Variants in ERC1 observed in about 807,000 individuals in gnomAD.
ERC1 encodes ELKS/RAB6-interacting/CAST family member 1.
Under a neutral mutation model 132.0 loss-of-function variants are expected in ERC1, and 56 were observed. The ratio of observed to expected loss-of-function variants is 0.42; its 90% CI spans 0.34 to 0.53. ERC1 has a LOEUF of 0.53. Among genes scored for constraint, ERC1 ranks in the 20% least tolerant of loss-of-function variants. The probability of loss-of-function intolerance (pLI) is 0.03; values close to 1 mark genes in which losing one functional copy is unlikely to be tolerated. For missense variants in ERC1, 1,202 were observed against 1,349.9 expected (o/e 0.89, Z 1.72); for synonymous variants, 478 against 476.1 (o/e 1.00, Z -0.05).
intron 16 of ERC1, among the ~76,000 whole-genome samples, chr12:1,386,337 A>C (rs570417939): frequency 6.1e-4 from 93 of 151,594 alleles, no homozygotes; most frequent in African/African-American, 2.2e-3. Flanking sequence ...GTGCCCGGTC[A>C]CAAAAAAAAT....
chr12:1,061,872 T>A (rs1938001954), intron 2 of ERC1, among the ~76,000 whole-genome samples: 1 of 152,128 alleles, frequency 6.6e-6, no homozygotes, highest in Non-Finnish European at 1.5e-5. Flanking sequence ...GGTTGTTTAT[T>A]TAAAATCTGT....
intron 2 of ERC1, among the ~76,000 whole-genome samples, chr12:1,072,511 A>T (rs570686919): frequency 6.6e-6 from 1 of 152,208 alleles, no homozygotes; most frequent in Non-Finnish European, 1.5e-5. Flanking sequence ...TTACAAACAC[A>T]TGTGCAAAAG....
upstream of ERC1, chr12:990,614 G>A (rs916833345): frequency 1.3e-5 from 2 of 152,362 alleles, no homozygotes; most frequent in Admixed American, 6.5e-5. Flanking sequence ...CGTGTGCGCA[G>A]CCCCGCGAGT....
At chr12:1,062,057 C>T (rs1398409005) in intron 2 of ERC1, among the ~76,000 whole-genome samples, 1 of 131,500 alleles carries the variant, frequency 7.6e-6, no homozygotes, top group Non-Finnish European at 1.5e-5. Context: ...GTGGCATGAT[C>T]TCGGCTCACT....
chr12:1,157,476 A>T (rs1421479477), intron 8 of ERC1, among the ~76,000 whole-genome samples: 1 of 152,204 alleles, frequency 6.6e-6, no homozygotes, highest in Admixed American at 6.5e-5. Context: ...TTATGTTTTT[A>T]CATGTGGCTG....
chr12:1,352,349 T>C (rs1370607484), intron 15 of ERC1, among the ~76,000 whole-genome samples: 1 of 152,176 alleles, frequency 6.6e-6, no homozygotes, highest in African/African-American at 2.4e-5. Context: ...GCCGTTTTAA[T>C]TGAAAAGGAG....
intron 15 of ERC1, among the ~76,000 whole-genome samples, chr12:1,311,511 T>C (rs73032731): frequency 0.035 from 5,257 of 152,268 alleles, 96 homozygotes; most frequent in Middle Eastern, 0.075. Flanking sequence ...ATTAACCTAA[T>C]TTTTATTGTC....
chr12:1,048,552 C>T (rs553728379), intron 2 of ERC1, among the ~76,000 whole-genome samples: 19 of 152,138 alleles, frequency 1.2e-4, no homozygotes, highest in Middle Eastern at 3.4e-3. Context: ...GATACAATTG[C>T]GATACTTTGT....
chr12:1,175,682 C>T (rs930176301), intron 8 of ERC1, among the ~76,000 whole-genome samples: 1 of 151,932 alleles, frequency 6.6e-6, no homozygotes, highest in African/African-American at 2.4e-5. Flanking sequence ...TACAGGTGCC[C>T]ACCACCACGC....
At chr12:1,346,898 C>T (rs547998048) in intron 15 of ERC1, among the ~76,000 whole-genome samples, 154 of 146,814 alleles carry the variant, frequency 1.0e-3, no homozygotes, top group South Asian at 2.1e-3. Flanking sequence ...GCCGAGATTG[C>T]GCCACTGCAG....
chr12:1,261,116 T>TA lies in ERC1; in HGVS notation c.2488-1917dup, dbSNP rs543834006. On this transcript the variant is annotated intron_variant, in intron 13 of 18. Coordinates refer to ENST00000360905, the MANE Select transcript of ERC1 (RefSeq NM_178040.4). ...TTTCTCCCTAAAAGTTTTTTATTGA[T>TA]ACAGCCACAAAGCTATTTTTGCCCC... Among the ~76,000 whole-genome samples the TA allele has an allele frequency of 6.0e-4, 92 of 152,330 alleles. 1 individual carries two copies. Among genetic ancestry groups the TA allele is most frequent in the African/African-American group, 2.1e-3 (88 of 41,594 alleles).
intron 3 of ERC1, among the ~76,000 whole-genome samples, chr12:1,084,946 C>T (rs930238126): frequency 4.6e-5 from 7 of 152,212 alleles, no homozygotes; most frequent in Non-Finnish European, 1.0e-4. Flanking sequence ...AAGCAATCCT[C>T]CCTCCTTGGC....
chr12:999,589 A>G (rs1288432413), intron 1 of ERC1, among the ~76,000 whole-genome samples: 3 of 145,368 alleles, frequency 2.1e-5, no homozygotes, highest in East Asian at 4.0e-4. Flanking sequence ...GGTTGCAAGC[A>G]TTGAACCTGG....
intron 13 of ERC1, among the ~76,000 whole-genome samples, chr12:1,240,766 A>G (rs1275961462): frequency 1.3e-5 from 2 of 152,088 alleles, no homozygotes; most frequent in African/African-American, 4.8e-5. Context: ...TTAATCCATA[A>G]TATATATTTG....
chr12:1,242,853 G>A (rs548051734), intron 13 of ERC1, among the ~76,000 whole-genome samples: 4 of 152,310 alleles, frequency 2.6e-5, no homozygotes, highest in African/African-American at 9.6e-5. Flanking sequence ...ATAATATAGT[G>A]TAACAGCTAT....
At chr12:1,051,211 C>T (rs74411311) in intron 2 of ERC1, among the ~76,000 whole-genome samples, 291 of 152,238 alleles carry the variant, frequency 1.9e-3, no homozygotes, top group African/African-American at 6.8e-3. Context: ...TGGTCAGCCC[C>T]CATCCCCCGA....
chr12:1,293,305 T>A (rs559027539), intron 15 of ERC1, among the ~76,000 whole-genome samples: 18 of 150,394 alleles, frequency 1.2e-4, no homozygotes, highest in Middle Eastern at 3.5e-3. Flanking sequence ...TACAAAACAT[T>A]AGCCAGGCGT....
intron 16 of ERC1, among the ~76,000 whole-genome samples, chr12:1,400,947 T>G (rs2090997343): frequency 8.1e-6 from 1 of 123,892 alleles, no homozygotes; most frequent in Non-Finnish European, 1.6e-5. Flanking sequence ...TTTTTTTTTT[T>G]TTTTTTGTGA....
At chr12:1,368,809 A>C (rs1457336813) in intron 15 of ERC1, among the ~76,000 whole-genome samples, 1 of 152,248 alleles carries the variant, frequency 6.6e-6, no homozygotes, top group Non-Finnish European at 1.5e-5. Context: ...TATACCTATC[A>C]AAGATAGACA....
Sources: allele counts gnomAD v4.1 joint callset (sites outside exome capture counted in the v4.1 genomes callset), GRCh38; gene constraint gnomAD v4.1.1; transcripts MANE v1.5; gene names NCBI Gene and HGNC (gene_info 2026-07-23, HGNC 2026-07-21).